Variants in GABRR2 observed in about 807,000 individuals in gnomAD.
GABRR2 encodes gamma-aminobutyric acid type A receptor subunit rho2.
A neutral mutation model predicts 47.0 loss-of-function variants in GABRR2; 36 were observed. The observed-to-expected ratio is 0.77, with a 90% CI of 0.59 to 1.01. The LOEUF is 1.01. Among genes scored for constraint, GABRR2 ranks in the 50% least tolerant of loss-of-function variants. GABRR2 has a pLI of 0.00. For missense variants in GABRR2, 587 were observed against 594.6 expected, an observed-to-expected ratio of 0.99 and a Z score of 0.13; for synonymous variants, 204 against 227.5, an observed-to-expected ratio of 0.90 and a Z score of 0.93.
At chr6:89,314,777 G>A (rs979398985) in intron 1 of GABRR2, among the ~76,000 whole-genome samples, 1 of 152,168 alleles carries the variant, frequency 6.6e-6, no homozygotes, top group Non-Finnish European at 1.5e-5. Flanking sequence ...TACCCACTAC[G>A]TCTCCAACTA....
intron 2 of GABRR2, among the ~76,000 whole-genome samples, chr6:89,292,754 CGTATATACG>C (rs1774477489): frequency 1.5e-5 from 1 of 68,390 alleles, no homozygotes; most frequent in Non-Finnish European, 2.6e-5. Context: ...TCGTATATAT[CGTATATACG>C]ATATATCGTA....
intron 8 of GABRR2, among the ~76,000 whole-genome samples, chr6:89,264,207 G>A (rs1384681954): frequency 6.6e-6 from 1 of 152,202 alleles, no homozygotes; most frequent in East Asian, 1.9e-4. Context: ...AAGTCTTCCA[G>A]TTCCTAGTCT....
intron 8 of GABRR2, among the ~76,000 whole-genome samples, chr6:89,259,434 C>T (rs2127823869): frequency 6.6e-6 from 1 of 152,062 alleles, no homozygotes. Context: ...TATTTTTTTT[C>T]ATCAGGCATG....
chr6:89,264,749 G>A, intron 7 of GABRR2, 141 bp from the exon 8 acceptor site: 1 of 1,088,458 alleles, frequency 9.2e-7, no homozygotes, highest in Non-Finnish European at 1.3e-6. Flanking sequence ...AGAGGGGCAA[G>A]GATCTGCCCT....
chr6:89,307,534 G>C (rs879912405), intron 1 of GABRR2, among the ~76,000 whole-genome samples: 1 of 152,178 alleles, frequency 6.6e-6, no homozygotes, highest in Non-Finnish European at 1.5e-5. Flanking sequence ...TGATTCCAAG[G>C]TAGAGCAACA....
intron 2 of GABRR2, among the ~76,000 whole-genome samples, chr6:89,278,965 G>C (rs1400147732): frequency 1.3e-5 from 2 of 152,190 alleles, no homozygotes; most frequent in East Asian, 3.9e-4. Flanking sequence ...TCCTACTCCT[G>C]GCTTCCCCAG....
chr6:89,285,623 A>G (rs1257086262), intron 2 of GABRR2, among the ~76,000 whole-genome samples: 1 of 152,110 alleles, frequency 6.6e-6, no homozygotes, highest in Non-Finnish European at 1.5e-5. Flanking sequence ...GGATGTGTTC[A>G]GGGGTCTGGG....
At chr6:89,291,775 A>G (rs1403189975) in intron 2 of GABRR2, among the ~76,000 whole-genome samples, 1 of 152,090 alleles carries the variant, frequency 6.6e-6, no homozygotes, top group Non-Finnish European at 1.5e-5. Flanking sequence ...CCCCCAATAG[A>G]CCATCAGCTT....
At chr6:89,299,147 A>G (rs1774605316) in intron 2 of GABRR2, among the ~76,000 whole-genome samples, 1 of 152,172 alleles carries the variant, frequency 6.6e-6, no homozygotes, top group South Asian at 2.1e-4. Flanking sequence ...CCCACTGGCC[A>G]TGCCTCCCCT....
At chr6:89,299,994 G>A in intron 1 of GABRR2, 129 bp from the exon 2 acceptor site, 1 of 637,476 alleles carries the variant, frequency 1.6e-6, no homozygotes, top group Non-Finnish European at 2.8e-6. Context: ...TTGGCCCAGG[G>A]GAGAAGGAGG....
intron 2 of GABRR2, among the ~76,000 whole-genome samples, chr6:89,283,741 G>A (rs1774289262): frequency 6.6e-6 from 1 of 152,182 alleles, no homozygotes. Flanking sequence ...ATCCAGGAGG[G>A]ACAGCGTTTG....
At chr6:89,278,047 A>G (rs547748882) in intron 2 of GABRR2, among the ~76,000 whole-genome samples, 3 of 152,240 alleles carry the variant, frequency 2.0e-5, no homozygotes, top group Non-Finnish European at 4.4e-5. Flanking sequence ...TAAAAGCTGG[A>G]AATCTCCCAA....
intron 2 of GABRR2, among the ~76,000 whole-genome samples, chr6:89,292,805 G>T (rs796685051): frequency 0.051 from 412 of 8,040 alleles, 61 homozygotes; most frequent in Admixed American, 0.073. Context: ...CGTATATATC[G>T]TATATACGAT....
rs149227063 is a variant in GABRR2 at position 89,306,246 on chromosome 6, A to C, written c.114-6381T>G. On this transcript the variant is annotated intron_variant, in intron 1 of 8. Transcript: ENST00000402938. Reference sequence around the variant, plus strand: ...AAATGTAATAACCAAGTGTGATGGCATATGCCTCTGGTCCCAGCAAATTGA... The same window carrying C: ...AAATGTAATAACCAAGTGTGATGGCCTATGCCTCTGGTCCCAGCAAATTGA... Among the ~76,000 whole-genome samples the C allele has an allele frequency of 8.9e-4, 135 of 152,116 alleles. 2 individuals carry two copies. Among genetic ancestry groups the C allele is most frequent in the Admixed American group, 7.3e-3 (111 of 15,272 alleles).
intron 8 of GABRR2, among the ~76,000 whole-genome samples, chr6:89,260,017 C>A (rs1426876917): frequency 6.6e-6 from 1 of 151,674 alleles, no homozygotes; most frequent in African/African-American, 2.4e-5. Context: ...AAGGGATCCT[C>A]CCACCTCAAC....
rs1773984132 is a variant in GABRR2, at chr6:89,269,146, T to C, written c.377A>G (p.Asp126Gly). The change falls in exon 4 of 9, where the codon GAT (aspartate) becomes GGT (glycine). Residue 126 changes from aspartate (D) to glycine (G), a missense_variant. Coordinates refer to ENST00000402938, the MANE Select transcript of GABRR2 (RefSeq NM_002043.5). ...CCAGATCTTCTTCACCAGCCGGCCA[T>C]CGAAGGTCATGCTCTTGTTGCTGGC... is the stretch of plus-strand genomic sequence containing the variant. ...SSASNKSMTF[D>G]GRLVKKIWVP... is the part of the protein sequence containing the mutation. 1.9e-6 allele frequency: 3 copies of C among 1,613,906 alleles called. No individual in the cohort carries two copies. The highest frequency in any genetic ancestry group is 2.2e-5 in the South Asian group (2 of 91,084).
At chr6:89,281,870 C>T (rs1253002789) in intron 2 of GABRR2, among the ~76,000 whole-genome samples, 2 of 152,166 alleles carry the variant, frequency 1.3e-5, no homozygotes, top group African/African-American at 2.4e-5. Flanking sequence ...AATCCTCTCA[C>T]GCTAGGGCCT....
At chr6:89,273,710 C>T (rs1774104390) in intron 2 of GABRR2, among the ~76,000 whole-genome samples, 1 of 152,198 alleles carries the variant, frequency 6.6e-6, no homozygotes, top group Non-Finnish European at 1.5e-5. Context: ...TCTCCTAGTA[C>T]CTAGATCCCG....
At chr6:89,259,734 C>A (rs1225854335) in intron 8 of GABRR2, among the ~76,000 whole-genome samples, 2 of 151,844 alleles carry the variant, frequency 1.3e-5, no homozygotes, top group African/African-American at 2.4e-5. Flanking sequence ...GAACTCCTGA[C>A]CTCAAATGAT....
Sources: gnomAD v4.1 joint callset for allele counts (sites outside exome capture counted in the v4.1 genomes callset) on GRCh38, gnomAD v4.1.1 for gene constraint, MANE v1.5 for transcripts, NCBI Gene and HGNC (gene_info 2026-07-23, HGNC 2026-07-21) for gene names.